Variants in KLF12 observed in about 807,000 individuals in gnomAD.
The protein encoded by KLF12 is KLF transcription factor 12, also known as Krueppel-like factor 12.
A neutral mutation model predicts 37.8 loss-of-function variants in KLF12; 9 were observed. The observed-to-expected ratio is 0.24, with a 90% confidence interval of 0.14 to 0.42. The LOEUF is 0.42. Among genes scored for constraint, KLF12 ranks in the 10% least tolerant of loss-of-function variants. The pLI is 1.00. For missense variants in KLF12, 411 were observed against 516.0 expected, an observed-to-expected ratio of 0.80 and a Z score of 1.97; for synonymous variants, 208 against 202.1, an observed-to-expected ratio of 1.03 and a Z score of -0.25.
At chr13:73,920,779 T>C (rs568531811) in intron 3 of KLF12, among the ~76,000 whole-genome samples, 2 of 152,202 alleles carry the variant, frequency 1.3e-5, no homozygotes, top group South Asian at 4.1e-4. Flanking sequence ...GTTCAGAAAA[T>C]AATACCCCAA....
chr13:74,134,364 G>A (rs1351553953), upstream of KLF12, among the ~76,000 whole-genome samples: 1 of 151,054 alleles, frequency 6.6e-6, no homozygotes, highest in Non-Finnish European at 1.5e-5. Flanking sequence ...TGGGGCCCCC[G>A]AGCCGCTCCG....
In KLF12 at chr13:73,762,954, G is replaced by A. The variant is rs567475882; in HGVS notation, c.869+1984C>T. Among the ~76,000 whole-genome samples, 4 of 152,172 alleles carry A rather than the reference G, an allele frequency of 2.6e-5. No individual in the cohort carries two copies. The South Asian group carries it at 8.3e-4, about 32-fold the overall frequency. ...CTTAGCTAGCTTATGACCAAATAAC[G>A]TACACGTATTAAATCCATGTATGCT... On this transcript the variant is annotated intron_variant, in intron 6 of 7. Coordinates refer to ENST00000377669, the MANE Select transcript of KLF12 (RefSeq NM_007249.5).
chr13:74,030,185 T>C (rs1240889768), intron 1 of KLF12, among the ~76,000 whole-genome samples: 1 of 152,106 alleles, frequency 6.6e-6, no homozygotes, highest in Admixed American at 6.6e-5. Flanking sequence ...AGTGGGAGCA[T>C]ATTTTGTTTT....
At chr13:74,163,844 T>TAC in the KLF12 span, among the ~76,000 whole-genome samples, 1 of 150,726 alleles carries the variant, frequency 6.6e-6, no homozygotes, top group African/African-American at 2.4e-5. Context: ...ACCCCGTATA[T>TAC]ATATATACAC....
intron 1 of KLF12, among the ~76,000 whole-genome samples, chr13:74,055,159 T>C (rs1873175522): frequency 6.6e-6 from 1 of 152,190 alleles, no homozygotes. Flanking sequence ...TAAGAAAAAC[T>C]GCCATAAGAA....
intron 6 of KLF12, among the ~76,000 whole-genome samples, chr13:73,747,592 C>T (rs1432427124): frequency 6.6e-6 from 1 of 152,142 alleles, no homozygotes. Flanking sequence ...ATAAATGAGT[C>T]TTGCATCCCC....
the KLF12 span, among the ~76,000 whole-genome samples, chr13:74,232,705 A>G: frequency 6.6e-6 from 1 of 152,188 alleles, no homozygotes; most frequent in East Asian, 1.9e-4. Context: ...TACACTGTAT[A>G]TGACATTGAA....
At chr13:73,750,527 C>T (rs954202258) in intron 6 of KLF12, among the ~76,000 whole-genome samples, 2 of 152,102 alleles carry the variant, frequency 1.3e-5, no homozygotes, top group African/African-American at 4.8e-5. Flanking sequence ...TACAGTAAAT[C>T]ATGATAAAAG....
At chr13:73,806,130 G>A (rs542474513) in intron 5 of KLF12, among the ~76,000 whole-genome samples, 1 of 72,812 alleles carries the variant, frequency 1.4e-5, no homozygotes, top group South Asian at 4.5e-4. Context: ...TTTTTTTTTT[G>A]AGATAAAGTC....
intron 5 of KLF12, among the ~76,000 whole-genome samples, chr13:73,779,828 CAG>C (rs777344818): frequency 6.6e-6 from 1 of 152,164 alleles, no homozygotes; most frequent in Non-Finnish European, 1.5e-5. Context: ...TTCTTGGCAT[CAG>C]GGAATTGGAG....
chr13:73,715,552 C>T (rs553431149), intron 6 of KLF12, 27 bp from the exon 7 acceptor site: 30 of 1,608,758 alleles, frequency 1.9e-5, no homozygotes, highest in South Asian at 1.8e-4. Context: ...TGGAGTTACA[C>T]GGTGAGATGC....
At chr13:74,114,469 T>A (rs2138944480) in intron 1 of KLF12, among the ~76,000 whole-genome samples, 1 of 152,300 alleles carries the variant, frequency 6.6e-6, no homozygotes, top group South Asian at 2.1e-4. Flanking sequence ...ATTGTAGTGG[T>A]CTAGAACCAA....
intron 5 of KLF12, among the ~76,000 whole-genome samples, chr13:73,789,966 G>A (rs947731127): frequency 6.6e-6 from 1 of 152,118 alleles, no homozygotes; most frequent in African/African-American, 2.4e-5. Flanking sequence ...GTGAGCCACC[G>A]TGCCTGGCCT....
At chr13:74,161,444 A>G in the KLF12 span, among the ~76,000 whole-genome samples, 4 of 152,300 alleles carry the variant, frequency 2.6e-5, no homozygotes, top group South Asian at 8.3e-4. Context: ...GAAGAAGGCC[A>G]TGTGGAGATG....
At chr13:73,994,161 G>C (rs768815236) in intron 2 of KLF12, among the ~76,000 whole-genome samples, 6 of 152,164 alleles carry the variant, frequency 3.9e-5, no homozygotes, top group Non-Finnish European at 8.8e-5. Context: ...TAGCTGTGAA[G>C]GTAGGCTGGC....
chr13:73,762,571 T>G (rs902874555), intron 6 of KLF12, among the ~76,000 whole-genome samples: 2 of 152,290 alleles, frequency 1.3e-5, no homozygotes, highest in Middle Eastern at 3.4e-3. Context: ...GGGTATTTGC[T>G]AAGCTACCTT....
chr13:73,737,854 G>A (rs957605384), intron 6 of KLF12, among the ~76,000 whole-genome samples: 2 of 151,824 alleles, frequency 1.3e-5, no homozygotes, highest in African/African-American at 4.8e-5. Context: ...AATTCTCTCA[G>A]AGCCTTTCTG....
chr13:74,140,889 TA>T, the KLF12 span, among the ~76,000 whole-genome samples: 10 of 151,952 alleles, frequency 6.6e-5, no homozygotes, highest in African/African-American at 2.4e-4. Flanking sequence ...CCATCTCTAC[TA>T]AAAATACAAA....
chr13:74,090,026 T>C lies in KLF12; in HGVS notation c.-32+43713A>G, dbSNP rs149992807. 2.6e-4 allele frequency among the ~76,000 whole-genome samples: 40 copies of C among 152,214 alleles called. No homozygotes were observed. The East Asian group carries it at 5.0e-3, about 19-fold the overall frequency. On this transcript the variant is annotated intron_variant, in intron 1 of 7. Transcript: ENST00000377669. ...AACTCTATTTGTAGATGTCTTGATCTTGTATATAGAAAATTCTAAGGAATA... is the reference window on the plus strand; with the variant it reads ...AACTCTATTTGTAGATGTCTTGATCCTGTATATAGAAAATTCTAAGGAATA...
Sources: gnomAD v4.1 joint callset for allele counts (sites outside exome capture counted in the v4.1 genomes callset) on GRCh38, gnomAD v4.1.1 for gene constraint, MANE v1.5 for transcripts, NCBI Gene and HGNC (gene_info 2026-07-23, HGNC 2026-07-21) for gene names.